MRTO4: variants seen among roughly 807,000 people sequenced by gnomAD.
MRTO4 encodes mRNA turnover protein 4 homolog.
MRTO4 carries 7 observed loss-of-function variants against 28.6 expected under a neutral mutation model. The observed-to-expected ratio is 0.24, with a 90% CI of 0.14 to 0.46. The LOEUF is 0.46. Ranked by LOEUF, MRTO4 falls within the 20% of genes least tolerant of loss-of-function variation. The pLI, the probability that MRTO4 is intolerant of heterozygous loss-of-function variation, is 0.99. For synonymous variants in MRTO4, 113 were observed against 108.2 expected, an observed-to-expected ratio of 1.04 and a Z score of -0.27; for missense variants, 302 against 298.3, an observed-to-expected ratio of 1.01 and a Z score of -0.09.
rs1258567835 is a variant in MRTO4 at position 19,256,040 on chromosome 1, G to C, written c.180G>C (p.Trp60Cys). The C allele has an allele frequency of 1.9e-6, 3 of 1,614,110 alleles. No individual in the cohort carries two copies. The highest frequency in any genetic ancestry group is 2.2e-5 in the South Asian group (2 of 91,082). Residue 60 changes from tryptophan (W) to cysteine (C), a missense_variant, in exon 3 of 8, where the codon TGG becomes TGC. Transcript: ENST00000330263. ...AGCTGAAGGACATCCGGAACGCCTG[G>C]AAGCACAGCCGGTGAGCGGGCAGGG... is the stretch of plus-strand genomic sequence containing the variant. ...NSKLKDIRNA[W>C]KHSRMFFGKN...
intron 1 of MRTO4, chr1:19,252,223 G>C (rs185653087): frequency 2.1e-4 from 73 of 348,012 alleles, no homozygotes; most frequent in African/African-American, 1.0e-3. Context: ...CGCCACCCTG[G>C]CTGCCTTTCC....
chr1:19,252,140 G>A, intron 1 of MRTO4: 2 of 498,500 alleles, frequency 4.0e-6, no homozygotes, highest in Non-Finnish European at 7.1e-6. Flanking sequence ...CCTGAACACC[G>A]CCCCCGGCTA....
chr1:19,258,076 C>T lies in MRTO4; in HGVS notation c.493+92C>T, dbSNP rs2093674328. The T allele has an allele frequency of 3.4e-6, 5 of 1,459,988 alleles. No homozygotes were observed. In the East Asian group the frequency reaches 9.6e-5, roughly 28 times the overall value. The allele number at this position is 1,459,988 out of a possible 1,614,324, so 90.4% of individuals were successfully genotyped here. ...CCCTTTCTAGCTGAGCAAGTTATTT[C>T]TACAAGCTTCCATTTTCTCATGAGA... On this transcript the variant is annotated intron_variant, in intron 6 of 7. Transcript: ENST00000330263.
chr1:19,258,747 G>A lies in MRTO4; in HGVS notation c.637G>A (p.Gly213Arg). The A allele has an allele frequency of 1.2e-6, 2 of 1,614,202 alleles. No individual in the cohort carries two copies. Among genetic ancestry groups the A allele is most frequent in the Non-Finnish European group, 1.7e-6 (2 of 1,180,034 alleles). The part of the protein sequence containing the change: ...TIKYMWDSQS[G>R]RFQQMGDDLP... The stretch of plus-strand genomic sequence containing the variant: ...CAAATACATGTGGGATTCACAGTCG[G>A]GAAGGTTCCAGCAGATGGGAGACGA... The change falls in exon 8 of 8, where the codon GGA becomes AGA. Residue 213 changes from glycine to arginine, a missense_variant. Coordinates refer to ENST00000330263, the MANE Select transcript of MRTO4 (RefSeq NM_016183.4).
chr1:19,252,965 T>A (rs2093665129), intron 1 of MRTO4, among the ~76,000 whole-genome samples: 1 of 152,206 alleles, frequency 6.6e-6, no homozygotes, highest in South Asian at 2.1e-4. Flanking sequence ...AGACCGTTTT[T>A]GACCACCTTT....
Position 19,257,896 on chromosome 1 carries a change from G to A in MRTO4, c.405G>A (p.Val135=). 6.2e-7 allele frequency: 1 copy of A among 1,614,128 alleles called. No individual in the cohort carries two copies. Residue 135 remains valine, a synonymous_variant, in exon 6 of 8, where the codon GTG becomes GTA. Transcript: ENST00000330263. ...ARAGNKAAFT[V]SLDPGPLEQF... is the part of the protein sequence containing the mutation. ...CTGGTAACAAAGCAGCTTTCACTGT[G>A]AGCCTGGATCCAGGGCCCCTGGAGC... is the stretch of plus-strand genomic sequence containing the variant.
At chr1:19,254,097 G>C (rs1224588908) in intron 1 of MRTO4, among the ~76,000 whole-genome samples, 1 of 152,202 alleles carries the variant, frequency 6.6e-6, no homozygotes, top group Non-Finnish European at 1.5e-5. Flanking sequence ...AAGGGGCCAG[G>C]CATGGTGGCT....
At chr1:19,253,500 C>T (rs61764885) in intron 1 of MRTO4, among the ~76,000 whole-genome samples, 18,753 of 152,108 alleles carry the variant, frequency 0.12, 1,276 homozygotes, top group Non-Finnish European at 0.15. Context: ...ATGTGATTTA[C>T]CTTTACTTAT....
intron 6 of MRTO4, 115 bp downstream of exon 6, chr1:19,258,099 A>T: frequency 7.4e-7 from 1 of 1,358,656 alleles, no homozygotes; most frequent in Non-Finnish European, 9.9e-7. Flanking sequence ...TTTTCTCATG[A>T]GAAAATGGGG....
In MRTO4 at chr1:19,257,934, C is replaced by G. The variant is rs918402669; in HGVS notation, c.443C>G (p.Ser148Cys). The change falls in exon 6 of 8, where the codon TCC becomes TGC. Residue 148 changes from serine (S) to cysteine (C), a missense_variant. Physicochemically the swap from Ser to Cys is moderately radical, Grantham distance 112 (BLOSUM62 -1). Coordinates refer to ENST00000330263, the MANE Select transcript of MRTO4 (RefSeq NM_016183.4). ...DPGPLEQFPH[S>C]MEPQLRQLGL... ...GGGCCCCTGGAGCAGTTCCCCCACT[C>G]CATGGAGCCACAGCTCAGGCAGCTG... 20 of 1,613,990 alleles carry G rather than the reference C, an allele frequency of 1.2e-5. No individual in the cohort carries two copies. The highest frequency in any genetic ancestry group is 1.7e-5 in the Non-Finnish European group (20 of 1,180,056).
intron 1 of MRTO4, 58 bp downstream of exon 1, chr1:19,251,921 T>A: frequency 6.4e-7 from 1 of 1,556,438 alleles, no homozygotes. Context: ...CTACCCAGCC[T>A]GCGGTGAGGG....
At chr1:19,257,800 G>T (rs2093673729) in intron 5 of MRTO4, 33 bp from the exon 6 acceptor site, 1 of 1,607,752 alleles carries the variant, frequency 6.2e-7, no homozygotes, top group Admixed American at 1.7e-5. Flanking sequence ...GTGGCCAGGA[G>T]CATCTCCTCC....
intron 1 of MRTO4, chr1:19,252,392 C>T (rs2093663160): frequency 6.1e-6 from 1 of 162,724 alleles, no homozygotes. Context: ...GGCTGGAGTG[C>T]AGTGGCGCGA....
rs775032936 is a variant in MRTO4 at position 19,257,987 on chromosome 1, A to G, written c.493+3A>G. 6.2e-7 allele frequency: 1 copy of G among 1,613,656 alleles called. No homozygotes were observed. The highest frequency in any genetic ancestry group is 8.5e-7 in the Non-Finnish European group (1 of 1,179,924). ...CCTGCCCACCGCCCTCAAGAGAGGT[A>G]TGGGCAGCCCTGGAGCCAAAAGGTC... On this transcript the variant is annotated splice_donor_region_variant and intron_variant, in intron 6 of 7. Transcript: ENST00000330263.
chr1:19,258,469 T>C lies in MRTO4; in HGVS notation c.494-8T>C. 1 of 1,613,684 alleles carries C rather than the reference T, an allele frequency of 6.2e-7. No homozygotes were observed. The highest frequency in any genetic ancestry group is 8.5e-7 in the Non-Finnish European group (1 of 1,180,010). On this transcript the variant is annotated splice_region_variant and splice_polypyrimidine_tract_variant and intron_variant, in intron 6 of 7. Coordinates refer to ENST00000330263, the MANE Select transcript of MRTO4 (RefSeq NM_016183.4). The stretch of plus-strand genomic sequence containing the variant: ...CCAGAGGTAACTGAGAGCCACCCTC[T>C]TCTGCAGGTGTGGTGACTCTGCTGT...
chr1:19,256,965 G>T (rs1383309437), intron 3 of MRTO4, 99 bp from the exon 4 acceptor site: 7 of 1,184,816 alleles, frequency 5.9e-6, no homozygotes, highest in Non-Finnish European at 8.6e-6. Context: ...CTCAGCCTGG[G>T]CCTGAGCTCA....
At chr1:19,256,767 C>G (rs1185762666) in intron 3 of MRTO4, among the ~76,000 whole-genome samples, 1 of 152,202 alleles carries the variant, frequency 6.6e-6, no homozygotes, top group African/African-American at 2.4e-5. Context: ...TCTTGCCGCA[C>G]CAGCTCTGGT....
chr1:19,257,776 C>A (rs1371647669), intron 5 of MRTO4, 57 bp from the exon 6 acceptor site: 3 of 1,593,584 alleles, frequency 1.9e-6, no homozygotes, highest in Non-Finnish European at 8.6e-7. Context: ...GAGCCTGACT[C>A]ATGGGCTGGT....
In MRTO4 at chr1:19,251,854, G is replaced by T. The variant is rs916892028; in HGVS notation, c.19G>T (p.Asp7Tyr). The T allele has an allele frequency of 2.5e-5, 40 of 1,591,008 alleles. No individual in the cohort carries two copies. Among genetic ancestry groups the T allele is most frequent in the African/African-American group, 5.4e-5 (4 of 74,448 alleles). The change falls in exon 1 of 8, where the codon GAC becomes TAC. Residue 7 changes from aspartate to tyrosine, a missense_variant. Transcript: ENST00000330263. MPKSKR[D>Y]KKVSLTKTAK... The stretch of plus-strand genomic sequence containing the variant: ...CAGCGCGATGCCCAAATCCAAGCGC[G>T]ACAAGAAAGGTGGGCGAAGGGGGAG...
Sources: gnomAD v4.1 joint callset for allele counts (sites outside exome capture counted in the v4.1 genomes callset) on GRCh38, gnomAD v4.1.1 for gene constraint, MANE v1.5 for transcripts, NCBI Gene and HGNC (gene_info 2026-07-23, HGNC 2026-07-21) for gene names.